Variants in DHX36 observed in about 807,000 individuals in gnomAD.
DHX36 encodes the protein ATP-dependent DNA/RNA helicase DHX36.
A neutral mutation model predicts 139.0 loss-of-function variants in DHX36; 50 were observed. The observed-to-expected ratio is 0.36, with a 90% CI of 0.29 to 0.46. The LOEUF (loss-of-function observed/expected upper bound fraction) is 0.46, where lower values mean the gene tolerates loss of function less well. Ranked by LOEUF, DHX36 falls within the 20% of genes least tolerant of loss-of-function variation. The pLI is 1.00. For synonymous variants in DHX36, 425 were observed against 401.9 expected, an observed-to-expected ratio of 1.06 and a Z score of -0.69; for missense variants, 1,024 against 1,211.3, an observed-to-expected ratio of 0.85 and a Z score of 2.29.
intron 1 of DHX36, among the ~76,000 whole-genome samples, chr3:154,317,262 A>C (rs1236501299): frequency 6.6e-6 from 1 of 152,066 alleles, no homozygotes; most frequent in East Asian, 1.9e-4. Context: ...TAGGATGCTA[A>C]GTTTGGATTT....
intron 3 of DHX36, chr3:154,314,673 C>T (rs1258656237): frequency 1.3e-5 from 2 of 159,154 alleles, no homozygotes; most frequent in African/African-American, 4.8e-5. Context: ...TTAATTTTAT[C>T]ATCTATAAAA....
At chr3:154,304,076 CAATAAT>C (rs1415239943) in intron 8 of DHX36, among the ~76,000 whole-genome samples, 1 of 152,082 alleles carries the variant, frequency 6.6e-6, no homozygotes, top group South Asian at 2.1e-4. Flanking sequence ...TTAAAAATAA[CAATAAT>C]AACACCTACC....
At chr3:154,301,215 A>C in intron 9 of DHX36, 88 bp from the exon 10 acceptor site, 1 of 1,305,306 alleles carries the variant, frequency 7.7e-7, no homozygotes, top group Non-Finnish European at 1.0e-6. Context: ...TAGGATTTTC[A>C]AAAAGGATTC....
At chr3:154,288,272 C>A (rs943896675) in intron 17 of DHX36, among the ~76,000 whole-genome samples, 2 of 150,576 alleles carry the variant, frequency 1.3e-5, no homozygotes, top group Non-Finnish European at 3.0e-5. Flanking sequence ...AACAAAAAAA[C>A]CACACACATT....
intron 23 of DHX36, among the ~76,000 whole-genome samples, 186 bp from the exon 24 acceptor site, chr3:154,277,085 T>C (rs889373577): frequency 3.9e-5 from 6 of 152,186 alleles, no homozygotes; most frequent in South Asian, 2.1e-4. Flanking sequence ...TCAGAGAACA[T>C]AGGTATTTTA....
chr3:154,294,358 A>ATAGG (rs1374637282), intron 13 of DHX36, among the ~76,000 whole-genome samples: 2 of 152,202 alleles, frequency 1.3e-5, no homozygotes, highest in African/African-American at 4.8e-5. Flanking sequence ...TAGAAAGAAG[A>ATAGG]TAGGTAATCA....
At position 154,288,982 on chromosome 3, in the gene DHX36, A is replaced by T. The variant is rs1711671044; in HGVS notation, c.1933-18T>A. ...CTTAAAATCTAAGTGGGGGAGACAA[A>T]TATTATTAAATACATATAATATTAA... On this transcript the variant is annotated intron_variant, in intron 16 of 24. Transcript: ENST00000496811. 3 of 1,226,040 alleles carry T rather than the reference A, an allele frequency of 2.4e-6. No homozygotes were observed. Among genetic ancestry groups the T allele is most frequent in the Non-Finnish European group, 3.4e-6 (3 of 874,226 alleles). The allele number at this position is 1,226,040 out of a possible 1,614,324, so 75.9% of individuals were successfully genotyped here.
chr3:154,281,284 G>C (rs767320694), intron 20 of DHX36, among the ~76,000 whole-genome samples: 28 of 151,666 alleles, frequency 1.8e-4, no homozygotes, highest in Non-Finnish European at 4.0e-4. Flanking sequence ...ATATAGAAAA[G>C]CATAAAGAAA....
intron 3 of DHX36, 98 bp from the exon 4 acceptor site, chr3:154,311,772 C>G: frequency 1.2e-6 from 1 of 860,656 alleles, no homozygotes; most frequent in Non-Finnish European, 1.7e-6. Flanking sequence ...TGGCTAGAAT[C>G]CGAAAGTATT....
intron 2 of DHX36, 96 bp from the exon 3 acceptor site, chr3:154,315,376 A>C: frequency 1.3e-6 from 1 of 788,520 alleles, no homozygotes; most frequent in Non-Finnish European, 2.0e-6. Context: ...AAATATTTCA[A>C]AGTCATCCAA....
At chr3:154,277,776 T>C in intron 22 of DHX36, 58 bp from the exon 23 acceptor site, 1 of 1,449,890 alleles carries the variant, frequency 6.9e-7, no homozygotes, top group Non-Finnish European at 9.2e-7. Context: ...GGATTTTCTT[T>C]TTTTACACTA....
intron 4 of DHX36, 44 bp from the exon 5 acceptor site, chr3:154,309,867 T>A (rs1299820799): frequency 1.4e-6 from 2 of 1,403,422 alleles, no homozygotes; most frequent in Non-Finnish European, 1.9e-6. Context: ...GTTGACTAAG[T>A]CTGAAAAAAG....
chr3:154,322,934 T>A (rs1280895232), intron 1 of DHX36, among the ~76,000 whole-genome samples: 2 of 152,230 alleles, frequency 1.3e-5, no homozygotes, highest in Middle Eastern at 3.2e-3. Context: ...ATGGATTTGT[T>A]TTTTAAAGAA....
chr3:154,292,800 G>T, intron 14 of DHX36, 106 bp from the exon 15 acceptor site: 1 of 1,451,536 alleles, frequency 6.9e-7, no homozygotes, highest in Non-Finnish European at 9.0e-7. Flanking sequence ...CAATAAATAG[G>T]TATTTCAGAG....
intron 20 of DHX36, among the ~76,000 whole-genome samples, chr3:154,282,916 G>A (rs1284383552): frequency 1.3e-5 from 2 of 152,100 alleles, no homozygotes; most frequent in African/African-American, 4.8e-5. Flanking sequence ...AAAATTCTCA[G>A]TTTGAATCAT....
intron 13 of DHX36, 78 bp from the exon 14 acceptor site, chr3:154,293,890 T>C (rs1711925603): frequency 1.0e-6 from 1 of 993,046 alleles, no homozygotes; most frequent in Non-Finnish European, 1.6e-6. Context: ...AGGAATTACC[T>C]CAGATACTGT....
At position 154,315,295 on chromosome 3, in the gene DHX36, TAAG is replaced by T. The variant is rs578042292; in HGVS notation, c.369-18_369-16del. ...CAGTACCGTATCTGTTTTGACAAAA[TAAG>T]AAAGGAAGAAAGGTCAGATGAGCCA... is the stretch of plus-strand genomic sequence containing the variant. On this transcript the variant is annotated splice_polypyrimidine_tract_variant and intron_variant, in intron 2 of 24. Transcript: ENST00000496811. 2.5e-5 allele frequency: 39 copies of T among 1,587,800 alleles called. No individual in the cohort carries two copies. In the South Asian group the frequency reaches 4.0e-4, roughly 16 times the overall value.
chr3:154,301,645 T>C (rs1272590776), intron 9 of DHX36, among the ~76,000 whole-genome samples: 4 of 152,178 alleles, frequency 2.6e-5, no homozygotes, highest in Admixed American at 6.5e-5. Flanking sequence ...ACTATTTAAT[T>C]CTGCTCAGTC....
At chr3:154,303,205 T>C in intron 9 of DHX36, 124 bp downstream of exon 9, 1 of 690,004 alleles carries the variant, frequency 1.4e-6, no homozygotes, top group South Asian at 2.1e-5. Context: ...CAAGTGTGGC[T>C]AATTCCCAGA....
Sources: gnomAD v4.1 joint callset for allele counts (sites outside exome capture counted in the v4.1 genomes callset) on GRCh38, gnomAD v4.1.1 for gene constraint, MANE v1.5 for transcripts, NCBI Gene and HGNC (gene_info 2026-07-23, HGNC 2026-07-21) for gene names.